FHIT: variants seen among roughly 807,000 people sequenced by gnomAD.
The protein encoded by FHIT is fragile histidine triad diadenosine triphosphatase, also known as bis(5'-adenosyl)-triphosphatase.
Under a neutral mutation model 17.9 loss-of-function variants are expected in FHIT, and 19 were observed. The observed-to-expected ratio is 1.06, with a 90% CI of 0.74 to 1.56. The LOEUF (loss-of-function observed/expected upper bound fraction) is 1.56, where lower values mean the gene tolerates loss of function less well. FHIT is among the 40% of genes most tolerant of loss of function. The probability of loss-of-function intolerance (pLI) is 0.00; values close to 1 mark genes in which losing one functional copy is unlikely to be tolerated. For synonymous variants in FHIT, 81 were observed against 69.7 expected, an observed-to-expected ratio of 1.16 and a Z score of -0.81; for missense variants, 248 against 189.2, an observed-to-expected ratio of 1.31 and a Z score of -1.82.
chr3:61,066,625 A>AAAAC (rs1341851921), intron 2 of FHIT, among the ~76,000 whole-genome samples: 1 of 152,196 alleles, frequency 6.6e-6, no homozygotes, highest in Non-Finnish European at 1.5e-5. Context: ...CAAAAAAACA[A>AAAAC]AAACAAACAA....
At chr3:60,756,738 T>C (rs77327927) in intron 4 of FHIT, among the ~76,000 whole-genome samples, 3,290 of 152,248 alleles carry the variant, frequency 0.022, 61 homozygotes, top group Middle Eastern at 0.071. Context: ...TATCCTTGCT[T>C]TTATAGAGGA....
At chr3:61,029,769 G>A (rs1331203981) in intron 3 of FHIT, among the ~76,000 whole-genome samples, 1 of 152,124 alleles carries the variant, frequency 6.6e-6, no homozygotes, top group African/African-American at 2.4e-5. Context: ...GAGTCTAACA[G>A]GTTATTCTTA....
chr3:61,154,379 C>G (rs552716977), intron 2 of FHIT, among the ~76,000 whole-genome samples: 2 of 151,820 alleles, frequency 1.3e-5, no homozygotes, highest in African/African-American at 4.8e-5. Context: ...GAAGGAAGAA[C>G]CTGCAGAATC....
At chr3:59,797,573 G>T (rs553045325) in intron 8 of FHIT, among the ~76,000 whole-genome samples, 1 of 152,306 alleles carries the variant, frequency 6.6e-6, no homozygotes, top group South Asian at 2.1e-4. Flanking sequence ...ACCAATGCAT[G>T]TAAGGAGGAT....
chr3:60,478,060 A>G (rs139837701), intron 5 of FHIT, among the ~76,000 whole-genome samples: 2 of 152,300 alleles, frequency 1.3e-5, no homozygotes, highest in East Asian at 3.9e-4. Context: ...AAAAATAATA[A>G]CAACAATTAG....
intron 4 of FHIT, among the ~76,000 whole-genome samples, chr3:60,780,588 C>A (rs150654888): frequency 8.5e-4 from 130 of 152,294 alleles, no homozygotes; most frequent in African/African-American, 3.1e-3. Flanking sequence ...AACAATCATG[C>A]AAGCAGAGCC....
At chr3:59,789,384 TACTG>T (rs563025154) in intron 8 of FHIT, among the ~76,000 whole-genome samples, 85 of 152,330 alleles carry the variant, frequency 5.6e-4, no homozygotes, top group Non-Finnish European at 7.9e-4. Context: ...AAATGGTTTC[TACTG>T]ACTAACTCAT....
intron 8 of FHIT, among the ~76,000 whole-genome samples, chr3:59,814,262 C>T (rs1700517197): frequency 6.6e-6 from 1 of 152,160 alleles, no homozygotes; most frequent in African/African-American, 2.4e-5. Flanking sequence ...GTATTTCAGA[C>T]AAGTTAGTCA....
At chr3:61,135,554 A>G (rs548304684) in intron 2 of FHIT, among the ~76,000 whole-genome samples, 4 of 151,654 alleles carry the variant, frequency 2.6e-5, no homozygotes, top group African/African-American at 7.3e-5. Context: ...GTGTATGTCA[A>G]TAACCCACAC....
At chr3:60,108,927 T>G (rs1704547729) in intron 5 of FHIT, among the ~76,000 whole-genome samples, 1 of 152,134 alleles carries the variant, frequency 6.6e-6, no homozygotes, top group Non-Finnish European at 1.5e-5. Context: ...CCTCCCAAAG[T>G]GCCAGGATTA....
At chr3:61,152,776 G>C (rs900884523) in intron 2 of FHIT, among the ~76,000 whole-genome samples, 4 of 151,742 alleles carry the variant, frequency 2.6e-5, no homozygotes, top group African/African-American at 7.3e-5. Flanking sequence ...GGCATCTAAT[G>C]AGAAATGGAT....
At chr3:59,808,459 G>A (rs1700288628) in intron 8 of FHIT, among the ~76,000 whole-genome samples, 1 of 152,050 alleles carries the variant, frequency 6.6e-6, no homozygotes, top group African/African-American at 2.4e-5. Context: ...CCCCACCTCT[G>A]CCAGTGATGA....
At chr3:59,826,380 T>C (rs1700979778) in intron 8 of FHIT, among the ~76,000 whole-genome samples, 2 of 152,240 alleles carry the variant, frequency 1.3e-5, no homozygotes, top group Admixed American at 6.5e-5. Flanking sequence ...TGGTTTAACC[T>C]GTTCTTTATT....
intron 3 of FHIT, among the ~76,000 whole-genome samples, chr3:61,014,779 CAAAAAAAA>C (rs869289360): frequency 1.7e-4 from 11 of 65,800 alleles, no homozygotes; most frequent in South Asian, 5.9e-4. Flanking sequence ...GACTCTGCCT[CAAAAAAAA>C]AAAAAAAAAA....
intron 5 of FHIT, among the ~76,000 whole-genome samples, chr3:60,100,299 G>A (rs1301229826): frequency 3.9e-5 from 6 of 152,006 alleles, no homozygotes; most frequent in South Asian, 2.1e-4. Context: ...CAAGAGAATC[G>A]CTTGAACCCG....
intron 2 of FHIT, among the ~76,000 whole-genome samples, chr3:61,043,616 T>A (rs2033637954): frequency 6.6e-6 from 1 of 152,192 alleles, no homozygotes; most frequent in Non-Finnish European, 1.5e-5. Context: ...GTCTGACAGC[T>A]TTGAAGAGAG....
chr3:59,932,426 T>C (rs953856015), intron 7 of FHIT, among the ~76,000 whole-genome samples: 1 of 152,168 alleles, frequency 6.6e-6, no homozygotes, highest in Non-Finnish European at 1.5e-5. Flanking sequence ...CATTTGTCTT[T>C]GTAAAGCAAA....
chr3:60,447,815 C>A (rs1194513841), intron 5 of FHIT, among the ~76,000 whole-genome samples: 1 of 152,100 alleles, frequency 6.6e-6, no homozygotes, highest in African/African-American at 2.4e-5. Flanking sequence ...CCAACTTAAG[C>A]CTTTCTGTAG....
At chr3:60,747,700 T>C (rs1559691139) in intron 4 of FHIT, among the ~76,000 whole-genome samples, 1 of 152,166 alleles carries the variant, frequency 6.6e-6, no homozygotes, top group African/African-American at 2.4e-5. Context: ...TCAACGACAA[T>C]TCAATGTGTG....
Sources: gnomAD v4.1 joint callset for allele counts (sites outside exome capture counted in the v4.1 genomes callset) on GRCh38, gnomAD v4.1.1 for gene constraint, MANE v1.5 for transcripts, NCBI Gene and HGNC (gene_info 2026-07-23, HGNC 2026-07-21) for gene names.